TUSC3: variants seen among roughly 807,000 people sequenced by gnomAD.
The protein encoded by TUSC3 is dolichyl-diphosphooligosaccharide--protein glycosyltransferase subunit TUSC3.
Under a neutral mutation model 44.8 loss-of-function variants are expected in TUSC3, and 45 were observed. The observed-to-expected ratio is 1.00, with a 90% CI of 0.79 to 1.29. The LOEUF is 1.29. Among genes scored for constraint, TUSC3 ranks in the 50% most tolerant of loss-of-function variants. The pLI is 0.00. For synonymous variants in TUSC3, 212 were observed against 152.9 expected (o/e 1.39, Z -2.85); for missense variants, 519 against 437.9 (o/e 1.19, Z -1.65).
the TUSC3 span, among the ~76,000 whole-genome samples, chr8:15,816,183 G>C: frequency 6.6e-6 from 1 of 152,102 alleles, no homozygotes; most frequent in Non-Finnish European, 1.5e-5. Flanking sequence ...CTCTGTCTTT[G>C]GCTGTCTTTA....
chr8:15,826,601 T>G, the TUSC3 span, among the ~76,000 whole-genome samples: 7,413 of 152,238 alleles, frequency 0.049, 597 homozygotes, highest in African/African-American at 0.17. Flanking sequence ...TAAGGTAAAG[T>G]GCTGCTACCT....
intron 1 of TUSC3, among the ~76,000 whole-genome samples, chr8:15,477,512 G>A (rs1468439253): frequency 1.3e-5 from 2 of 152,080 alleles, no homozygotes; most frequent in African/African-American, 2.4e-5. Flanking sequence ...CACGAGGTCA[G>A]GAGATTGAGA....
intron 1 of TUSC3, among the ~76,000 whole-genome samples, chr8:15,583,479 A>G (rs1803463318): frequency 6.6e-6 from 1 of 152,206 alleles, no homozygotes; most frequent in Non-Finnish European, 1.5e-5. Flanking sequence ...TAATAGGCTT[A>G]TTATTGTTCC....
chr8:15,479,836 A>G (rs1420898663), intron 1 of TUSC3, among the ~76,000 whole-genome samples: 1 of 152,172 alleles, frequency 6.6e-6, no homozygotes, highest in Non-Finnish European at 1.5e-5. Flanking sequence ...AAGCGTATTC[A>G]AATAAGAAGA....
rs371360204 is a variant in TUSC3 at position 15,662,144 on chromosome 8, G to C, written c.568-12G>C. Reference sequence around the variant, plus strand: ...TTCTTTCATTTTTGAAATTTCTATTGCATTTTTGCAGATTCGGGTTTTCAG... The same window carrying C: ...TTCTTTCATTTTTGAAATTTCTATTCCATTTTTGCAGATTCGGGTTTTCAG... On this transcript the variant is annotated splice_polypyrimidine_tract_variant and intron_variant, in intron 4 of 10. Transcript: ENST00000503731. 2.7e-5 allele frequency: 43 copies of C among 1,612,174 alleles called. No individual in the cohort carries two copies. The highest frequency in any genetic ancestry group is 1.6e-4 in the South Asian group (15 of 90,996).
the TUSC3 span, among the ~76,000 whole-genome samples, chr8:15,841,408 A>C: frequency 6.6e-6 from 1 of 152,148 alleles, no homozygotes; most frequent in African/African-American, 2.4e-5. Context: ...ATTCATGTAC[A>C]TTTTATTCTA....
At chr8:15,786,490 A>G in the TUSC3 span, among the ~76,000 whole-genome samples, 1 of 152,352 alleles carries the variant, frequency 6.6e-6, no homozygotes, top group Admixed American at 6.5e-5. Context: ...GTTTTTCAGA[A>G]GGATTTTCAA....
chr8:15,571,758 A>G (rs765836455), intron 1 of TUSC3, among the ~76,000 whole-genome samples: 1 of 152,164 alleles, frequency 6.6e-6, no homozygotes, highest in African/African-American at 2.4e-5. Flanking sequence ...TGTCCTCTCA[A>G]ACCCTGCCAC....
intron 6 of TUSC3, among the ~76,000 whole-genome samples, chr8:15,695,420 G>C (rs973121267): frequency 6.6e-6 from 1 of 152,146 alleles, no homozygotes; most frequent in African/African-American, 2.4e-5. Context: ...ATGATTGTGA[G>C]GCCTTGCCAG....
chr8:15,456,187 G>C (rs1281694422), intron 1 of TUSC3, among the ~76,000 whole-genome samples: 1 of 152,126 alleles, frequency 6.6e-6, no homozygotes, highest in Non-Finnish European at 1.5e-5. Flanking sequence ...AGCCTTCAAT[G>C]AGATTGATTT....
intron 1 of TUSC3, among the ~76,000 whole-genome samples, chr8:15,543,702 A>G (rs1387988044): frequency 6.6e-6 from 1 of 151,806 alleles, no homozygotes; most frequent in African/African-American, 2.4e-5. Context: ...GCATTAGTGT[A>G]ATGAGATCCT....
At chr8:15,843,608 A>AG in the TUSC3 span, among the ~76,000 whole-genome samples, 2 of 147,144 alleles carry the variant, frequency 1.4e-5, no homozygotes, top group Admixed American at 6.7e-5. Flanking sequence ...ATATATATAT[A>AG]TATATATATA....
intron 9 of TUSC3, among the ~76,000 whole-genome samples, chr8:15,749,982 GA>G (rs1039243353): frequency 7.6e-5 from 11 of 144,850 alleles, no homozygotes; most frequent in South Asian, 2.2e-4. Flanking sequence ...GATACTGTGA[GA>G]TTTTTTTTTT....
Position 15,540,410 on chromosome 8 carries a change from A to G in TUSC3, c.-21A>G. ...GGGCGCGCACGGCTACCGCGCGTGGAGGAGACACTGCCCTGCCGCGATGGG... is the reference window on the plus strand; with the variant it reads ...GGGCGCGCACGGCTACCGCGCGTGGGGGAGACACTGCCCTGCCGCGATGGG... On this transcript the variant is annotated 5_prime_UTR_variant, in exon 1 of 11. Coordinates refer to ENST00000503731, the MANE Select transcript of TUSC3 (RefSeq NM_006765.4). 2 of 1,557,618 alleles carry G rather than the reference A, an allele frequency of 1.3e-6. No individual in the cohort carries two copies. Among genetic ancestry groups the G allele is most frequent in the Non-Finnish European group, 1.7e-6 (2 of 1,153,058 alleles).
the TUSC3 span, among the ~76,000 whole-genome samples, chr8:15,807,693 C>G: frequency 1.1e-4 from 16 of 152,106 alleles, no homozygotes; most frequent in African/African-American, 3.6e-4. Flanking sequence ...TACAAAAGAA[C>G]AAAAGCATGT....
chr8:15,692,383 T>TTG (rs1808953265), intron 6 of TUSC3, among the ~76,000 whole-genome samples: 1 of 140,418 alleles, frequency 7.1e-6, no homozygotes, highest in Non-Finnish European at 1.5e-5. Context: ...TTGTTTTTTT[T>TTG]TTTTTTTTTT....
intron 6 of TUSC3, among the ~76,000 whole-genome samples, chr8:15,705,812 C>T (rs1202481474): frequency 6.6e-6 from 1 of 152,028 alleles, no homozygotes; most frequent in East Asian, 1.9e-4. Context: ...GAAATAGCTT[C>T]TCTTTTGGTT....
At chr8:15,454,892 GTAAAGTATATCAGTT>G (rs34447244) in intron 1 of TUSC3, among the ~76,000 whole-genome samples, 10,632 of 152,072 alleles carry the variant, frequency 0.07, 545 homozygotes, top group African/African-American at 0.14. Context: ...CCAAGTTCAC[GTAAAGTATATCAGTT>G]TAAAATTTTA....
At position 15,650,738 on chromosome 8, in the gene TUSC3, G is replaced by A. The variant is rs756614149; in HGVS notation, c.350G>A (p.Arg117His). 8 of 1,614,030 alleles carry A rather than the reference G, an allele frequency of 5.0e-6. No homozygotes were observed. The highest frequency in any genetic ancestry group is 3.3e-5 in the Admixed American group (2 of 60,002). ...EEYQILANSW[R>H]YSSAFCNKLF... ...TATCAAATACTGGCGAACTCCTGGCGCTATTCATCTGCTTTTTGTAACAAG... is the reference window on the plus strand; with the variant it reads ...TATCAAATACTGGCGAACTCCTGGCACTATTCATCTGCTTTTTGTAACAAG... The change falls in exon 3 of 11, where the codon CGC becomes CAC. Residue 117 changes from arginine to histidine, a missense_variant. Coordinates refer to ENST00000503731, the MANE Select transcript of TUSC3 (RefSeq NM_006765.4).
Sources: gnomAD v4.1 joint callset for allele counts (sites outside exome capture counted in the v4.1 genomes callset) on GRCh38, gnomAD v4.1.1 for gene constraint, MANE v1.5 for transcripts, NCBI Gene and HGNC (gene_info 2026-07-23, HGNC 2026-07-21) for gene names.